The following GNA14 variants were observed in gnomAD, a reference collection of about 807,000 sequenced individuals.
GNA14 encodes guanine nucleotide-binding protein subunit alpha-14.
A neutral mutation model predicts 42.0 loss-of-function variants in GNA14; 50 were observed. The observed-to-expected ratio is 1.19, with a 90% confidence interval of 0.95 to 1.51. The LOEUF is 1.51. Ranked by LOEUF, GNA14 falls within the 40% of genes most tolerant of loss-of-function variation. The pLI, the probability that GNA14 is intolerant of heterozygous loss-of-function variation, is 0.00. For synonymous variants in GNA14, 173 were observed against 163.1 expected, an observed-to-expected ratio of 1.06 and a Z score of -0.46; for missense variants, 473 against 446.2, an observed-to-expected ratio of 1.06 and a Z score of -0.54.
chr9:77,586,961 C>T (rs1823314822), intron 1 of GNA14, among the ~76,000 whole-genome samples: 1 of 145,512 alleles, frequency 6.9e-6, no homozygotes, highest in Admixed American at 6.8e-5. Flanking sequence ...GTCTGCAGCT[C>T]GATTTTACAG....
intron 1 of GNA14, among the ~76,000 whole-genome samples, chr9:77,588,152 G>A (rs1823334040): frequency 6.6e-6 from 1 of 152,096 alleles, no homozygotes; most frequent in Admixed American, 6.5e-5. Flanking sequence ...CCGATTTCAA[G>A]ATCCTAATCC....
intron 2 of GNA14, among the ~76,000 whole-genome samples, chr9:77,452,356 T>C (rs998433417): frequency 2.6e-5 from 4 of 152,298 alleles, no homozygotes; most frequent in South Asian, 2.1e-4. Flanking sequence ...ATGGTATCTA[T>C]GGATGATTTT....
intron 2 of GNA14, among the ~76,000 whole-genome samples, chr9:77,446,220 A>G (rs1256980114): frequency 6.6e-6 from 1 of 152,156 alleles, no homozygotes; most frequent in African/African-American, 2.4e-5. Context: ...GCTGTGAGAA[A>G]TCTCATTCTC....
At chr9:77,473,928 T>C (rs963979071) in intron 2 of GNA14, among the ~76,000 whole-genome samples, 47 of 152,152 alleles carry the variant, frequency 3.1e-4, no homozygotes, top group African/African-American at 1.1e-3. Context: ...TTCCATTGAA[T>C]TGTACTGGGG....
intron 2 of GNA14, among the ~76,000 whole-genome samples, chr9:77,439,380 T>C (rs1220646268): frequency 6.6e-6 from 1 of 152,236 alleles, no homozygotes; most frequent in East Asian, 1.9e-4. Context: ...GGCTCACGCC[T>C]GTTTTCCCAC....
intron 1 of GNA14, among the ~76,000 whole-genome samples, chr9:77,554,755 GAC>G: frequency 6.6e-6 from 1 of 152,184 alleles, no homozygotes; most frequent in East Asian, 1.9e-4. Flanking sequence ...ATTGCTCACA[GAC>G]ATGGAGTTTA....
intron 1 of GNA14, among the ~76,000 whole-genome samples, chr9:77,536,654 TA>T (rs1837603100): frequency 6.6e-6 from 1 of 152,178 alleles, no homozygotes; most frequent in African/African-American, 2.4e-5. Context: ...CCTGCCTTAT[TA>T]GTCTCTTGAT....
intron 1 of GNA14, among the ~76,000 whole-genome samples, chr9:77,620,973 A>G (rs1823912834): frequency 6.6e-6 from 1 of 151,564 alleles, no homozygotes; most frequent in Non-Finnish European, 1.5e-5. Flanking sequence ...CACTCCTATC[A>G]CCCAGGCTGG....
At chr9:77,516,504 T>C (rs1289464524) in intron 2 of GNA14, among the ~76,000 whole-genome samples, 1 of 152,104 alleles carries the variant, frequency 6.6e-6, no homozygotes. Context: ...AGGCAGCTGA[T>C]CACTTGAGGC....
intron 2 of GNA14, among the ~76,000 whole-genome samples, chr9:77,528,428 C>T (rs768966356): frequency 2.0e-4 from 30 of 152,214 alleles, no homozygotes; most frequent in South Asian, 1.5e-3. Flanking sequence ...TAAAATTTTA[C>T]TTCCTCTTCC....
At chr9:77,435,899 A>G (rs1835633018) in intron 2 of GNA14, among the ~76,000 whole-genome samples, 1 of 152,142 alleles carries the variant, frequency 6.6e-6, no homozygotes. Context: ...TCCCCCTCCC[A>G]TATTTCTGCA....
At chr9:77,622,099 T>A (rs1823932941) in intron 1 of GNA14, among the ~76,000 whole-genome samples, 1 of 152,160 alleles carries the variant, frequency 6.6e-6, no homozygotes, top group African/African-American at 2.4e-5. Flanking sequence ...CCTAATTTAC[T>A]CTTAAATAGC....
At position 77,424,065 on chromosome 9, in the gene GNA14, T is replaced by C. The variant is rs764229772; in HGVS notation, c.982A>G (p.Thr328Ala). 6 of 1,612,586 alleles carry C rather than the reference T, an allele frequency of 3.7e-6. No individual in the cohort carries two copies. Among genetic ancestry groups the C allele is most frequent in the Admixed American group, 3.3e-5 (2 of 59,954 alleles). Reference sequence around the variant, plus strand: ...ACAAAGCGAATATTGTCTGTATCTGTAGCACATGTGAAGTGAGAGTAGATG... The same window carrying C: ...ACAAAGCGAATATTGTCTGTATCTGCAGCACATGTGAAGTGAGAGTAGATG... ...KVIYSHFTCATDTDNIRFVFA... is the reference protein window; with the variant it reads ...KVIYSHFTCAADTDNIRFVFA... Residue 328 changes from threonine to alanine, a missense_variant, in exon 7 of 7, where the codon ACA becomes GCA. Physicochemically the swap from Thr to Ala is moderately conservative, Grantham distance 58. Transcript: ENST00000341700.
At chr9:77,591,715 T>G (rs1404897673) in intron 1 of GNA14, among the ~76,000 whole-genome samples, 1 of 152,178 alleles carries the variant, frequency 6.6e-6, no homozygotes, top group African/African-American at 2.4e-5. Flanking sequence ...TTGTTCTATC[T>G]GGTAAATCCA....
At chr9:77,508,223 C>T (rs1238517459) in intron 2 of GNA14, among the ~76,000 whole-genome samples, 1 of 152,194 alleles carries the variant, frequency 6.6e-6, no homozygotes, top group East Asian at 1.9e-4. Flanking sequence ...CTAGAAAATG[C>T]ATTTAGACCT....
At chr9:77,644,811 A>T (rs935552811) in intron 1 of GNA14, among the ~76,000 whole-genome samples, 3 of 152,178 alleles carry the variant, frequency 2.0e-5, no homozygotes, top group Admixed American at 6.5e-5. Context: ...TTAACAGGAA[A>T]ATCAATAAAA....
intron 1 of GNA14, among the ~76,000 whole-genome samples, chr9:77,550,750 G>A (rs1837777514): frequency 1.3e-5 from 2 of 152,186 alleles, no homozygotes; most frequent in Non-Finnish European, 2.9e-5. Context: ...CAAATGGGAG[G>A]TGGAAATGAG....
intron 4 of GNA14, among the ~76,000 whole-genome samples, chr9:77,429,452 G>A (rs1186987829): frequency 2.6e-5 from 4 of 152,196 alleles, no homozygotes; most frequent in African/African-American, 4.8e-5. Context: ...AGCCTATTCT[G>A]TTTTTGTGGC....
At chr9:77,438,413 A>C (rs1378019028) in intron 2 of GNA14, among the ~76,000 whole-genome samples, 1 of 151,838 alleles carries the variant, frequency 6.6e-6, no homozygotes, top group Non-Finnish European at 1.5e-5. Flanking sequence ...GATTACAGGC[A>C]CCCGCCACCA....
Sources: gnomAD v4.1 joint callset for allele counts (sites outside exome capture counted in the v4.1 genomes callset) on GRCh38, gnomAD v4.1.1 for gene constraint, MANE v1.5 for transcripts, NCBI Gene and HGNC (gene_info 2026-07-23, HGNC 2026-07-21) for gene names.